Variants in KCMF1 observed in about 807,000 individuals in gnomAD.
The protein encoded by KCMF1 is potassium channel modulatory factor 1.
KCMF1 carries 3 observed loss-of-function variants against 41.1 expected under a neutral mutation model. The ratio of observed to expected loss-of-function variants is 0.07; its 90% CI spans 0.03 to 0.19. KCMF1 has a LOEUF of 0.19. Ranked by LOEUF, KCMF1 falls within the 10% of genes least tolerant of loss-of-function variation. KCMF1 has a pLI of 1.00. For missense variants in KCMF1, 286 were observed against 488.9 expected (o/e 0.58, Z 3.91); for synonymous variants, 142 against 164.5 (o/e 0.86, Z 1.04).
chr2:85,005,280 T>TTTTA (rs987671551), intron 1 of KCMF1, among the ~76,000 whole-genome samples: 2 of 151,510 alleles, frequency 1.3e-5, no homozygotes, highest in Admixed American at 6.6e-5. Flanking sequence ...TATTTTGCTT[T>TTTTA]TTTATTTATT....
chr2:84,998,997 T>TCCAC (rs1302955263), intron 1 of KCMF1, among the ~76,000 whole-genome samples: 31 of 127,952 alleles, frequency 2.4e-4, no homozygotes, highest in East Asian at 1.2e-3. Flanking sequence ...TACCTATCTG[T>TCCAC]CCACCCACCC....
intron 3 of KCMF1, among the ~76,000 whole-genome samples, chr2:85,038,851 C>T (rs1321351873): frequency 2.0e-5 from 3 of 152,064 alleles, no homozygotes; most frequent in African/African-American, 7.2e-5. Flanking sequence ...GTGAATTGTA[C>T]CCCAGTTTGA....
intron 1 of KCMF1, among the ~76,000 whole-genome samples, 166 bp downstream of exon 1, chr2:84,971,633 G>A (rs1225935537): frequency 1.3e-5 from 2 of 150,826 alleles, no homozygotes; most frequent in African/African-American, 4.8e-5. Flanking sequence ...GAGAGCCGCG[G>A]CGCCGCTGCC....
intron 1 of KCMF1, among the ~76,000 whole-genome samples, chr2:85,026,506 T>C (rs1429449011): frequency 6.7e-6 from 1 of 150,372 alleles, no homozygotes; most frequent in Non-Finnish European, 1.5e-5. Flanking sequence ...TTTTTATTTT[T>C]TCCAGACAGG....
chr2:85,024,042 TCTA>T (rs1317160656), intron 1 of KCMF1, among the ~76,000 whole-genome samples: 23 of 152,228 alleles, frequency 1.5e-4, no homozygotes, highest in Admixed American at 9.2e-4. Flanking sequence ...TCTCCATTTT[TCTA>T]CTAAGCATTC....
At chr2:85,024,585 T>TGA (rs1460164414) in intron 1 of KCMF1, among the ~76,000 whole-genome samples, 1 of 85,208 alleles carries the variant, frequency 1.2e-5, no homozygotes, top group East Asian at 3.2e-4. Flanking sequence ...AGAGAGAGAG[T>TGA]GTGTGTGTGT....
chr2:85,025,089 C>T (rs1451174894), intron 1 of KCMF1, among the ~76,000 whole-genome samples: 1 of 152,134 alleles, frequency 6.6e-6, no homozygotes. Context: ...CTTTTTGTAA[C>T]TTGCATCAAC....
At chr2:85,008,276 T>C (rs1447743953) in intron 1 of KCMF1, among the ~76,000 whole-genome samples, 1 of 104,842 alleles carries the variant, frequency 9.5e-6, no homozygotes. Context: ...ATATAATATA[T>C]AATATGATAT....
At chr2:85,018,988 C>T (rs921913038) in intron 1 of KCMF1, among the ~76,000 whole-genome samples, 4 of 151,820 alleles carry the variant, frequency 2.6e-5, no homozygotes, top group African/African-American at 7.3e-5. Context: ...CCGCCCACCT[C>T]GGCCTCCCAA....
intron 1 of KCMF1, among the ~76,000 whole-genome samples, chr2:84,977,294 T>C (rs1294970758): frequency 2.6e-5 from 4 of 152,222 alleles, no homozygotes; most frequent in African/African-American, 9.6e-5. Context: ...AGCATGTGAT[T>C]TTAATGCAGT....
At chr2:84,995,801 T>G (rs933752049) in intron 1 of KCMF1, among the ~76,000 whole-genome samples, 1 of 152,300 alleles carries the variant, frequency 6.6e-6, no homozygotes, top group Admixed American at 6.5e-5. Context: ...AAATCCATTT[T>G]TAAAAAGAAC....
intron 1 of KCMF1, among the ~76,000 whole-genome samples, chr2:85,016,167 G>A (rs1674764287): frequency 6.6e-6 from 1 of 152,140 alleles, no homozygotes; most frequent in African/African-American, 2.4e-5. Flanking sequence ...AAGCTTCCCG[G>A]TTCTCTTTCT....
intron 1 of KCMF1, among the ~76,000 whole-genome samples, chr2:84,979,186 T>C (rs560038577): frequency 6.6e-6 from 1 of 152,294 alleles, no homozygotes; most frequent in South Asian, 2.1e-4. Context: ...CAAAAGTTTT[T>C]AGTGAAGGCT....
At chr2:85,030,330 T>C (rs556296441) in intron 2 of KCMF1, among the ~76,000 whole-genome samples, 1 of 152,330 alleles carries the variant, frequency 6.6e-6, no homozygotes, top group African/African-American at 2.4e-5. Flanking sequence ...AGCACAAAAC[T>C]TCTAATTCTG....
chr2:85,008,416 TTATGTGA>T (rs1299290112), intron 1 of KCMF1, among the ~76,000 whole-genome samples: 1 of 125,562 alleles, frequency 8.0e-6, no homozygotes. Flanking sequence ...ATATTATATA[TTATGTGA>T]TATATATGAT....
chr2:84,975,269 G>A (rs1384575786), intron 1 of KCMF1, among the ~76,000 whole-genome samples: 1 of 152,068 alleles, frequency 6.6e-6, no homozygotes, highest in African/African-American at 2.4e-5. Context: ...GTTGGATTTG[G>A]CCTGAGGGCT....
At chr2:85,024,944 A>G (rs1675057194) in intron 1 of KCMF1, among the ~76,000 whole-genome samples, 1 of 152,086 alleles carries the variant, frequency 6.6e-6, no homozygotes, top group Admixed American at 6.6e-5. Flanking sequence ...CCCTGGTGCC[A>G]TTCCATCTTA....
At chr2:84,998,496 C>A (rs1206256988) in intron 1 of KCMF1, among the ~76,000 whole-genome samples, 3 of 152,126 alleles carry the variant, frequency 2.0e-5, no homozygotes, top group African/African-American at 7.2e-5. Context: ...ATTTCTAATT[C>A]TTTTCTGTTT....
At chr2:85,033,826 G>A (rs1039596376) in intron 2 of KCMF1, among the ~76,000 whole-genome samples, 2 of 152,162 alleles carry the variant, frequency 1.3e-5, no homozygotes, top group African/African-American at 2.4e-5. Context: ...ATACACTTAC[G>A]AGGTGAACAA....
Sources: allele counts gnomAD v4.1 joint callset (sites outside exome capture counted in the v4.1 genomes callset), GRCh38; gene constraint gnomAD v4.1.1; transcripts MANE v1.5; gene names NCBI Gene and HGNC (gene_info 2026-07-23, HGNC 2026-07-21).